The following TMEM114 variants were observed in gnomAD, a reference collection of about 807,000 sequenced individuals.
TMEM114 encodes the protein claudin-26.
In TMEM114, 6 loss-of-function variants were observed where a neutral mutation model predicts 6.2. That is an observed-to-expected ratio of 0.97 (90% CI 0.53 to 1.91). TMEM114 has a LOEUF of 1.91. Among genes scored for constraint, TMEM114 ranks in the 40% most tolerant of loss-of-function variants. The probability of loss-of-function intolerance (pLI) is 0.01; values close to 1 mark genes in which losing one functional copy is unlikely to be tolerated. For synonymous variants in TMEM114, 104 were observed against 73.0 expected (o/e 1.42, Z -2.16); for missense variants, 218 against 158.3 (o/e 1.38, Z -2.02).
At chr16:8,571,158 T>C (rs1266312526) in intron 3 of TMEM114, among the ~76,000 whole-genome samples, 1 of 151,034 alleles carries the variant, frequency 6.6e-6, no homozygotes, top group Non-Finnish European at 1.5e-5. Context: ...TACACAGGGA[T>C]ACAGACAGCC....
the TMEM114 span, among the ~76,000 whole-genome samples, chr16:8,530,151 C>G: frequency 6.6e-6 from 1 of 152,034 alleles, no homozygotes; most frequent in East Asian, 1.9e-4. Context: ...TTTTTTGCCT[C>G]CAATTTCTCA....
downstream of TMEM114, among the ~76,000 whole-genome samples, chr16:8,537,319 C>T (rs552691383): frequency 7.2e-5 from 11 of 151,966 alleles, no homozygotes; most frequent in Admixed American, 7.2e-4. Context: ...TGGCCAACAT[C>T]ATGAAACCCC....
In TMEM114 at chr16:8,576,756, AAGG is replaced by A. The variant is rs1567208957; in HGVS notation, c.302-4535_302-4533del. Among the ~76,000 whole-genome samples, 47 of 136,720 alleles carry A rather than the reference AAGG, an allele frequency of 3.4e-4. 1 individual carries two copies. Among genetic ancestry groups the A allele is most frequent in the Admixed American group, 2.0e-3 (28 of 13,714 alleles). 89.7% of individuals were successfully genotyped at this position (136,720 alleles called of 152,430 possible). On this transcript the variant is annotated intron_variant, in intron 2 of 3. Transcript: ENST00000620492. ...GAAGGAAGGAAGGAAGGAAGGAAGG[AAGG>A]AAGGAAGGAAATTGAGCATTTACTG...
At chr16:8,554,810 C>T (rs1057454544) in intron 2 of TMEM114, among the ~76,000 whole-genome samples, 1 of 152,184 alleles carries the variant, frequency 6.6e-6, no homozygotes, top group African/African-American at 2.4e-5. Context: ...CACAACAACC[C>T]TGAGGGTAGG....
At chr16:8,565,747 C>T (rs78501725), downstream of TMEM114, among the ~76,000 whole-genome samples, 1 of 152,266 alleles carries the variant, frequency 6.6e-6, no homozygotes, top group African/African-American at 2.4e-5. Flanking sequence ...GTTCTTACCT[C>T]CCCTGCACAG....
chr16:8,555,163 A>C (rs1900968374), intron 2 of TMEM114, among the ~76,000 whole-genome samples: 1 of 152,120 alleles, frequency 6.6e-6, no homozygotes, highest in African/African-American at 2.4e-5. Flanking sequence ...CTCTCTTCAC[A>C]TGTGATGCTG....
At chr16:8,544,536 A>G (rs1188917992) in intron 2 of TMEM114, among the ~76,000 whole-genome samples, 2 of 152,232 alleles carry the variant, frequency 1.3e-5, no homozygotes, top group African/African-American at 2.4e-5. Flanking sequence ...GATACATGTG[A>G]ATGAGCAGTC....
At chr16:8,543,054 A>T (rs935037631) in intron 2 of TMEM114, among the ~76,000 whole-genome samples, 1 of 152,198 alleles carries the variant, frequency 6.6e-6, no homozygotes, top group Non-Finnish European at 1.5e-5. Flanking sequence ...AGAATACAGA[A>T]CACAGCCCTT....
chr16:8,545,265 C>G (rs771682757), intron 2 of TMEM114, among the ~76,000 whole-genome samples: 1 of 152,014 alleles, frequency 6.6e-6, no homozygotes, highest in Admixed American at 6.6e-5. Context: ...TAGCAAGAGC[C>G]CTTATCTACA....
downstream of TMEM114, among the ~76,000 whole-genome samples, chr16:8,566,567 A>G (rs1477794568): frequency 6.6e-6 from 1 of 152,176 alleles, no homozygotes; most frequent in Non-Finnish European, 1.5e-5. Context: ...AACAGAACAG[A>G]ACAGAATGGA....
chr16:8,562,839 A>G (rs1229928994), intron 2 of TMEM114, among the ~76,000 whole-genome samples: 19 of 151,196 alleles, frequency 1.3e-4, no homozygotes, highest in African/African-American at 4.6e-4. Flanking sequence ...GGAATGAGTG[A>G]GTGAATAAGT....
downstream of TMEM114, among the ~76,000 whole-genome samples, chr16:8,566,200 T>G (rs59575378): frequency 6.6e-6 from 1 of 151,802 alleles, no homozygotes; most frequent in African/African-American, 2.4e-5. Context: ...AAAACCGCAT[T>G]TCTACTAAAA....
In TMEM114 at chr16:8,561,090, G is replaced by A. The variant is rs78115139; in HGVS notation, n.213-23264C>T. 4.6e-5 allele frequency among the ~76,000 whole-genome samples: 7 copies of A among 152,132 alleles called. No individual in the cohort carries two copies. In the South Asian group the frequency reaches 1.0e-3, roughly 23 times the overall value. On this transcript the variant is annotated intron_variant and non_coding_transcript_variant, in intron 2 of 2. Coordinates refer to the TMEM114 transcript ENST00000623677. ...ATGGGGGAAACTGCTCCCATGATTC[G>A]ATTATCTCGCACAGGGTCCCTCCTG... is the stretch of plus-strand genomic sequence containing the variant.
chr16:8,563,660 A>G (rs545628919), intron 2 of TMEM114, among the ~76,000 whole-genome samples: 3 of 151,378 alleles, frequency 2.0e-5, no homozygotes, highest in Non-Finnish European at 2.9e-5. Flanking sequence ...TGAATGAGTG[A>G]GCGAATAAGT....
downstream of TMEM114, among the ~76,000 whole-genome samples, chr16:8,535,561 GA>G (rs1254183378): frequency 6.6e-6 from 1 of 152,052 alleles, no homozygotes; most frequent in African/African-American, 2.4e-5. Context: ...TAATAATATT[GA>G]AATAATGCAA....
At chr16:8,555,189 C>T (rs1254468656) in intron 2 of TMEM114, among the ~76,000 whole-genome samples, 1 of 152,212 alleles carries the variant, frequency 6.6e-6, no homozygotes, top group Non-Finnish European at 1.5e-5. Context: ...CTGAGCACCT[C>T]ATACATCCCA....
chr16:8,563,253 G>A (rs1469732303), intron 2 of TMEM114, among the ~76,000 whole-genome samples: 4 of 151,590 alleles, frequency 2.6e-5, no homozygotes, highest in African/African-American at 7.3e-5. Flanking sequence ...GAGTCAGTGA[G>A]TGAATGAATG....
At chr16:8,586,620 A>C (rs1051512849) in intron 2 of TMEM114, among the ~76,000 whole-genome samples, 1 of 151,534 alleles carries the variant, frequency 6.6e-6, no homozygotes, top group East Asian at 1.9e-4. Context: ...AGCGATTCTC[A>C]TAACTCAGCC....
At chr16:8,530,980 T>C in the TMEM114 span, among the ~76,000 whole-genome samples, 20,150 of 151,720 alleles carry the variant, frequency 0.13, 1,419 homozygotes, top group African/African-American at 0.18. Context: ...GCCGAGACCA[T>C]GCCACTTCAC....
Sources: gnomAD v4.1 joint callset for allele counts (sites outside exome capture counted in the v4.1 genomes callset) on GRCh38, gnomAD v4.1.1 for gene constraint, MANE v1.5 for transcripts, NCBI Gene and HGNC (gene_info 2026-07-23, HGNC 2026-07-21) for gene names.